Variants in DNAH10 observed in about 807,000 individuals in gnomAD.
DNAH10 encodes dynein axonemal heavy chain 10.
In DNAH10, 348 loss-of-function variants were observed where a neutral mutation model predicts 506.6. The ratio of observed to expected loss-of-function variants is 0.69; its 90% CI spans 0.63 to 0.75. DNAH10 has a LOEUF of 0.75. DNAH10 is among the 30% of genes least tolerant of loss of function. The pLI, the probability that DNAH10 is intolerant of heterozygous loss-of-function variation, is 0.00. For synonymous variants in DNAH10, 2,059 were observed against 2,198.6 expected, an observed-to-expected ratio of 0.94 and a Z score of 1.78; for missense variants, 5,179 against 5,787.1, an observed-to-expected ratio of 0.89 and a Z score of 3.41.
chr12:123,813,161 C>T lies in DNAH10; in HGVS notation c.3145-3C>T, dbSNP rs1959007547. On this transcript the variant is annotated splice_region_variant and splice_polypyrimidine_tract_variant and intron_variant, in intron 19 of 78. Transcript: ENST00000673944. The stretch of plus-strand genomic sequence containing the variant: ...TCTTTTCTCCTAATTCTTACTTTGC[C>T]AGCATTTTGTTCGTTGGATGAATGG... 1.6e-5 allele frequency: 26 copies of T among 1,595,698 alleles called. No homozygotes were observed. Among genetic ancestry groups the T allele is most frequent in the Non-Finnish European group, 2.1e-5 (25 of 1,170,790 alleles).
In DNAH10 at chr12:123,859,190, G is replaced by A. The variant is rs766596956; in HGVS notation, c.6671G>A (p.Arg2224His). 50 of 1,611,690 alleles carry A rather than the reference G, an allele frequency of 3.1e-5. No individual in the cohort carries two copies. Among genetic ancestry groups the A allele is most frequent in the African/African-American group, 8.0e-5 (6 of 74,866 alleles). ...VVQMFETMLT[R>H]HTTMVVGPTR... ...CAAATGTTCGAGACCATGTTAACCC[G>A]CCACACGACGATGGTGGTGGGGCCC... Residue 2224 changes from arginine (R) to histidine (H), a missense_variant, in exon 38 of 79, where the codon CGC becomes CAC. Arg to His is a conservative substitution (Grantham distance 29). Coordinates refer to ENST00000673944, the MANE Select transcript of DNAH10 (RefSeq NM_001372106.1).
chr12:123,880,766 C>T (rs947883609), intron 50 of DNAH10, among the ~76,000 whole-genome samples: 2 of 151,496 alleles, frequency 1.3e-5, no homozygotes, highest in African/African-American at 2.4e-5. Context: ...TCGTCATTTA[C>T]ATTAGGTGTA....
At position 123,857,229 on chromosome 12, in the gene DNAH10, C is replaced by G; in HGVS notation, c.6612C>G (p.Tyr2204Ter). 4 of 1,577,758 alleles carry G rather than the reference C, an allele frequency of 2.5e-6. No homozygotes were observed. The highest frequency in any genetic ancestry group is 3.4e-6 in the Non-Finnish European group (4 of 1,160,160). ...AGCAGGTCCTGGAGGAGAACGGCTA[C>G]GCGGTCCTACCCATCCAGGTAAAGC... ...AVEQVLEENGYAVLPIQVDKV... is the reference protein window; with the variant it reads ...AVEQVLEENG The change falls in exon 37 of 79, where the codon TAC becomes TAG. Residue 2204 changes from tyrosine to a stop codon, truncating the protein, a stop_gained. Coordinates refer to ENST00000673944, the MANE Select transcript of DNAH10 (RefSeq NM_001372106.1). LOFTEE classifies it high-confidence loss of function.
At chr12:123,901,304 C>T (rs542743375) in intron 56 of DNAH10, among the ~76,000 whole-genome samples, 14 of 152,216 alleles carry the variant, frequency 9.2e-5, no homozygotes, top group South Asian at 4.1e-4. Flanking sequence ...CGCCTCAGCA[C>T]GCTCACAGCT....
chr12:123,788,692 C>T (rs901266842), intron 10 of DNAH10, among the ~76,000 whole-genome samples: 2 of 152,090 alleles, frequency 1.3e-5, no homozygotes, highest in Non-Finnish European at 2.9e-5. Flanking sequence ...CTTTTTGAGG[C>T]TGGGGTGGGA....
At chr12:123,875,945 A>G (rs1398717691) in intron 47 of DNAH10, among the ~76,000 whole-genome samples, 1 of 152,198 alleles carries the variant, frequency 6.6e-6, no homozygotes, top group Non-Finnish European at 1.5e-5. Flanking sequence ...AAGGAGAGAA[A>G]TGCGTGTAAA....
intron 41 of DNAH10, among the ~76,000 whole-genome samples, chr12:123,866,861 G>C (rs753914080): frequency 6.6e-6 from 1 of 152,216 alleles, no homozygotes; most frequent in South Asian, 2.1e-4. Context: ...TGACAGTCAC[G>C]TGCGGGTTGT....
At chr12:123,770,423 T>C (rs984758186) in intron 2 of DNAH10, among the ~76,000 whole-genome samples, 17 of 151,692 alleles carry the variant, frequency 1.1e-4, no homozygotes, top group African/African-American at 4.1e-4. Context: ...ACTACTCTAA[T>C]GCTGTTAGGG....
intron 42 of DNAH10, 116 bp downstream of exon 42, chr12:123,867,717 A>AGTGCCAAG: frequency 6.7e-7 from 1 of 1,484,856 alleles, no homozygotes; most frequent in Middle Eastern, 1.8e-4. Context: ...ATTGTTGGTC[A>AGTGCCAAG]GTGCCAAGGC....
chr12:123,866,117 T>G, intron 41 of DNAH10, 44 bp downstream of exon 41: 1 of 1,511,330 alleles, frequency 6.6e-7, no homozygotes, highest in South Asian at 1.3e-5. Flanking sequence ...TTAGTATTGA[T>G]GGCTAGTTGG....
Position 123,813,389 on chromosome 12 carries a change from A to AC in DNAH10, c.3370_3371insC (p.Ile1124ThrfsTer17). 1 of 1,614,244 alleles carries AC rather than the reference A, an allele frequency of 6.2e-7. No homozygotes were observed. Among genetic ancestry groups the AC allele is most frequent in the Non-Finnish European group, 8.5e-7 (1 of 1,180,034 alleles). On this transcript the variant is annotated frameshift_variant, in exon 20 of 79. Coordinates refer to ENST00000673944, the MANE Select transcript of DNAH10 (RefSeq NM_001372106.1). LOFTEE classifies it high-confidence loss of function. ...ACCTCTCTGGAAATTGGACAAAGCTATTGTGATGGAGAAATTTGCTGCCAA... is the reference window on the plus strand; with the variant it reads ...ACCTCTCTGGAAATTGGACAAAGCTACTTGTGATGGAGAAATTTGCTGCCAA...
At chr12:123,836,728 C>T (rs1453194972) in intron 28 of DNAH10, among the ~76,000 whole-genome samples, 1 of 152,102 alleles carries the variant, frequency 6.6e-6, no homozygotes, top group Non-Finnish European at 1.5e-5. Context: ...AAGAATTGTA[C>T]AACACATATC....
At chr12:123,878,791 T>C (rs1006415943) in intron 48 of DNAH10, among the ~76,000 whole-genome samples, 1 of 152,120 alleles carries the variant, frequency 6.6e-6, no homozygotes, top group African/African-American at 2.4e-5. Context: ...CCCAGCCACT[T>C]GGGAGGCTGA....
At position 123,853,378 on chromosome 12, in the gene DNAH10, T is replaced by A. The variant is rs779866860; in HGVS notation, c.6438+26T>A. 6.2e-7 allele frequency: 1 copy of A among 1,602,680 alleles called. No homozygotes were observed. Among genetic ancestry groups the A allele is most frequent in the South Asian group, 1.1e-5 (1 of 88,988 alleles). On this transcript the variant is annotated intron_variant, in intron 36 of 78. Transcript: ENST00000673944. The surrounding 1 kb of genome is among the most constrained non-coding windows in gnomAD (Gnocchi z 4.7). ...GTAGGGGCCACGTGCTGGAACATTC[T>A]CTGGTTTCAGCTGCTTCAGGCATTT...
rs116756952 is a variant in DNAH10, at chr12:123,783,068, C to T, written c.842-39C>T. 2.8e-3 allele frequency: 4,561 copies of T among 1,603,158 alleles called. 105 individuals carry two copies. In the African/African-American group the frequency reaches 0.05, roughly 17 times the overall value. On this transcript the variant is annotated intron_variant, in intron 6 of 78. Transcript: ENST00000673944. ...AATGTTTCTCTTTGTAATCATTTTT[C>T]CTGAACGAATGACTGACTGATCACT...
intron 71 of DNAH10, 81 bp from the exon 72 acceptor site, chr12:123,929,583 C>T (rs1566120605): frequency 3.4e-5 from 53 of 1,571,484 alleles, no homozygotes; most frequent in Non-Finnish European, 4.3e-5. Context: ...GCACCGTTCC[C>T]AGCAGCCTTT....
intron 51 of DNAH10, among the ~76,000 whole-genome samples, chr12:123,885,119 G>C (rs570976592): frequency 1.3e-5 from 2 of 152,338 alleles, no homozygotes; most frequent in African/African-American, 4.8e-5. Context: ...GTTGAGGAGT[G>C]TGCTGAAAGT....
At chr12:123,798,509 C>T (rs986808530) in intron 13 of DNAH10, among the ~76,000 whole-genome samples, 7 of 152,160 alleles carry the variant, frequency 4.6e-5, no homozygotes, top group Admixed American at 4.6e-4. Context: ...GAGAATTCCG[C>T]CTTCGTGATC....
intron 43 of DNAH10, among the ~76,000 whole-genome samples, chr12:123,870,001 C>T (rs958537177): frequency 7.2e-5 from 11 of 152,308 alleles, no homozygotes; most frequent in Admixed American, 2.0e-4. Flanking sequence ...ACCTGGCCCT[C>T]GAACAACTGC....
Sources: allele counts gnomAD v4.1 joint callset (sites outside exome capture counted in the v4.1 genomes callset), GRCh38; gene constraint gnomAD v4.1.1; non-coding constraint Gnocchi (gnomAD v3.1); transcripts MANE v1.5; gene names NCBI Gene and HGNC (gene_info 2026-07-23, HGNC 2026-07-21).